The following GABRA3 variants were observed in gnomAD, a reference collection of about 807,000 sequenced individuals.
The protein encoded by GABRA3 is gamma-aminobutyric acid receptor subunit alpha-3.
GABRA3 carries 10 observed loss-of-function variants against 30.1 expected under a neutral mutation model. That is an observed-to-expected ratio of 0.33 (90% CI 0.20 to 0.56). GABRA3 has a LOEUF of 0.56. Among genes scored for constraint, GABRA3 ranks in the 20% least tolerant of loss-of-function variants. The probability of loss-of-function intolerance (pLI) is 0.89; values close to 1 mark genes in which losing one functional copy is unlikely to be tolerated. For missense variants in GABRA3, 233 were observed against 392.0 expected, an observed-to-expected ratio of 0.59 and a Z score of 3.42; for synonymous variants, 151 against 146.8, an observed-to-expected ratio of 1.03 and a Z score of -0.21.
At chrX:152,184,837 A>G (rs960620997) in intron 9 of GABRA3, among the ~76,000 whole-genome samples, 8 of 111,505 alleles carry the variant, frequency 7.2e-5, no homozygotes, top group African/African-American at 2.3e-4. Context: ...CAGTGATAAA[A>G]ACATGTGGTT....
chrX:152,400,072 T>C (rs1449731219), intron 1 of GABRA3, among the ~76,000 whole-genome samples: 1 of 111,845 alleles, frequency 8.9e-6, no homozygotes, highest in Non-Finnish European at 1.9e-5. Flanking sequence ...TTCTCTCTTT[T>C]TGAGCAAAGA....
rs371528233 is a variant in GABRA3, at chrX:152,368,410, C to G, written c.-26-3814G>C. ...GAGGTATCTGTCTTTCTCTGTATGC[C>G]TTATTTCACTTAACATAATGTACTA... is the stretch of plus-strand genomic sequence containing the variant. On this transcript the variant is annotated intron_variant, in intron 1 of 9. Transcript: ENST00000370314. 1.5e-3 allele frequency among the ~76,000 whole-genome samples: 170 copies of G among 111,149 alleles called. 1 individual carries two copies. Among genetic ancestry groups the G allele is most frequent in the African/African-American group, 5.3e-3 (162 of 30,645 alleles).
At chrX:152,342,982 G>A (rs982397938) in intron 3 of GABRA3, among the ~76,000 whole-genome samples, 1 of 111,679 alleles carries the variant, frequency 9.0e-6, no homozygotes, top group Admixed American at 9.5e-5. Context: ...TCCTTGAGCT[G>A]TGAGGTAAGG....
At chrX:152,274,626 C>T (rs1939009112) in intron 4 of GABRA3, among the ~76,000 whole-genome samples, 1 of 110,941 alleles carries the variant, frequency 9.0e-6, no homozygotes, top group Non-Finnish European at 1.9e-5. Context: ...AAAATGTTTA[C>T]ATATGAAATC....
chrX:152,174,446 G>A lies in GABRA3; in HGVS notation c.1144-5883C>T, dbSNP rs1937046075. On this transcript the variant is annotated intron_variant, in intron 9 of 9. Coordinates refer to ENST00000370314, the MANE Select transcript of GABRA3 (RefSeq NM_000808.4). Reference sequence around the variant, plus strand: ...TTCCTATTTCTCCACATCCTCTCCAGCACCTGTTGTTTCCTGACTTTTTAA... The same window carrying A: ...TTCCTATTTCTCCACATCCTCTCCAACACCTGTTGTTTCCTGACTTTTTAA... Among the ~76,000 whole-genome samples, 6 of 111,817 alleles carry A rather than the reference G, an allele frequency of 5.4e-5. No homozygotes were observed. In the South Asian group the frequency reaches 2.3e-3, roughly 42 times the overall value.
intron 3 of GABRA3, among the ~76,000 whole-genome samples, chrX:152,293,761 G>T (rs5969887): frequency 0.21 from 23,190 of 110,237 alleles, 2,262 homozygotes; most frequent in African/African-American, 0.38. Context: ...CAGTGGCTGG[G>T]ACCAGTTGTT....
At chrX:152,346,181 T>A (rs947654159) in intron 2 of GABRA3, among the ~76,000 whole-genome samples, 5 of 111,626 alleles carry the variant, frequency 4.5e-5, no homozygotes, top group African/African-American at 1.6e-4. Flanking sequence ...ACTTCTACCC[T>A]CATCCTATGG....
intron 1 of GABRA3, among the ~76,000 whole-genome samples, chrX:152,441,233 C>T (rs1930922889): frequency 9.0e-6 from 1 of 110,915 alleles, no homozygotes; most frequent in Non-Finnish European, 1.9e-5. Context: ...TTATTTTATG[C>T]TAATTATACA....
intron 3 of GABRA3, among the ~76,000 whole-genome samples, chrX:152,289,417 T>C (rs997069835): frequency 9.0e-6 from 1 of 110,752 alleles, no homozygotes; most frequent in African/African-American, 3.3e-5. Context: ...CTGTCTGCTC[T>C]TCTTGTTTCT....
At chrX:152,173,000 T>C (rs893094741) in intron 9 of GABRA3, among the ~76,000 whole-genome samples, 18 of 110,147 alleles carry the variant, frequency 1.6e-4, no homozygotes, top group African/African-American at 6.0e-4. Flanking sequence ...ACATATATGA[T>C]TAAATCAGAG....
At chrX:152,242,142 G>A (rs12833553) in intron 5 of GABRA3, among the ~76,000 whole-genome samples, 15,552 of 110,910 alleles carry the variant, frequency 0.14, 839 homozygotes, top group Admixed American at 0.22. Context: ...ACAGTCAATT[G>A]GTTTTCATAA....
chrX:152,331,924 TAC>T (rs750833805), intron 3 of GABRA3, among the ~76,000 whole-genome samples: 68 of 112,229 alleles, frequency 6.1e-4, no homozygotes, highest in African/African-American at 2.1e-3. Flanking sequence ...TAAATAAATC[TAC>T]ATTTAGTCAT....
chrX:152,189,692 C>T (rs1476629735), intron 9 of GABRA3, 38 bp downstream of exon 9: 10 of 1,049,497 alleles, frequency 9.5e-6, no homozygotes, highest in African/African-American at 3.7e-5. Flanking sequence ...ACAGGTCTCT[C>T]GGGGGTGCTT....
chrX:152,309,707 C>A (rs1939772185), intron 3 of GABRA3, among the ~76,000 whole-genome samples: 1 of 111,565 alleles, frequency 9.0e-6, no homozygotes, highest in Non-Finnish European at 1.9e-5. Flanking sequence ...GGTACATAGA[C>A]AATTAACACT....
chrX:152,410,634 AAATT>A (rs1426953315), intron 1 of GABRA3, among the ~76,000 whole-genome samples: 1 of 111,608 alleles, frequency 9.0e-6, no homozygotes, highest in Non-Finnish European at 1.9e-5. Context: ...AAAATTAAAT[AAATT>A]GTTTATAAAA....
chrX:152,374,846 T>C (rs1335833171), intron 1 of GABRA3, among the ~76,000 whole-genome samples: 1 of 111,776 alleles, frequency 8.9e-6, no homozygotes, highest in Non-Finnish European at 1.9e-5. Context: ...CAGTTCCAAT[T>C]TTCTGCATAT....
At chrX:152,370,142 C>T (rs1475021386) in intron 1 of GABRA3, among the ~76,000 whole-genome samples, 3 of 112,366 alleles carry the variant, frequency 2.7e-5, no homozygotes, top group Admixed American at 9.4e-5. Context: ...TCTGATAAGT[C>T]TTGTCCAAAG....
chrX:152,388,240 A>G (rs756127592), intron 1 of GABRA3, among the ~76,000 whole-genome samples: 6 of 111,838 alleles, frequency 5.4e-5, no homozygotes, highest in Non-Finnish European at 1.1e-4. Context: ...ATGTCGTAAT[A>G]CAATGAAAAC....
intron 9 of GABRA3, among the ~76,000 whole-genome samples, chrX:152,183,810 T>C (rs190734338): frequency 1.1e-4 from 12 of 111,759 alleles, no homozygotes; most frequent in Admixed American, 1.1e-3. Context: ...CTTTGACTTA[T>C]TGGTTGTTCA....
Sources: allele counts gnomAD v4.1 joint callset (sites outside exome capture counted in the v4.1 genomes callset), GRCh38; gene constraint gnomAD v4.1.1; transcripts MANE v1.5; gene names NCBI Gene and HGNC (gene_info 2026-07-23, HGNC 2026-07-21).